The following GLTP variants were observed in gnomAD, a reference collection of about 807,000 sequenced individuals.
GLTP encodes the protein glycolipid transfer protein.
A neutral mutation model predicts 24.0 loss-of-function variants in GLTP; 22 were observed. That is an observed-to-expected ratio of 0.92 (90% CI 0.65 to 1.31). GLTP has a LOEUF of 1.31. Ranked by LOEUF, GLTP falls within the 50% of genes most tolerant of loss-of-function variation. GLTP has a pLI of 0.00. For synonymous variants in GLTP, 92 were observed against 115.9 expected, an observed-to-expected ratio of 0.79 and a Z score of 1.33; for missense variants, 224 against 276.6, an observed-to-expected ratio of 0.81 and a Z score of 1.35.
In GLTP at chr12:109,857,452, C is replaced by T; in HGVS notation, c.296+74G>A. The T allele has an allele frequency of 6.5e-7, 1 of 1,540,282 alleles. No individual in the cohort carries two copies. Among genetic ancestry groups the T allele is most frequent in the Non-Finnish European group, 8.9e-7 (1 of 1,123,222 alleles). ...GTGACCTTCCCAGCCTGAGCTGACA[C>T]TGCGGAACAGTGACAGGTTTGCTTT... On this transcript the variant is annotated intron_variant, in intron 3 of 4. Transcript: ENST00000318348. This position sits in a 1 kb window ranked among gnomAD's most constrained non-coding sequence, Gnocchi z 4.3.
chr12:109,872,016 C>T (rs1368914360), intron 1 of GLTP, among the ~76,000 whole-genome samples: 1 of 152,200 alleles, frequency 6.6e-6, no homozygotes, highest in East Asian at 1.9e-4. Context: ...AGCAGAGAGG[C>T]CAAACCTCAG....
chr12:109,866,926 ATT>A lies in GLTP; in HGVS notation c.104-8187_104-8186del, dbSNP rs34869730. 8.8e-3 allele frequency among the ~76,000 whole-genome samples: 1,042 copies of A among 118,294 alleles called. 10 individuals carry two copies. Among genetic ancestry groups the A allele is most frequent in the African/African-American group, 0.025 (748 of 29,490 alleles). The allele number at this position is 118,294 out of a possible 152,430, so 77.6% of individuals were successfully genotyped here. On this transcript the variant is annotated intron_variant, in intron 1 of 4. Coordinates refer to ENST00000318348, the MANE Select transcript of GLTP (RefSeq NM_016433.4). ...AGATGTGCACCACCATGCTGGGCTA[ATT>A]TTTTTTTTTTTTTTTTTTTTACCTT... is the stretch of plus-strand genomic sequence containing the variant.
chr12:109,852,709 G>T lies in GLTP; in HGVS notation c.476C>A (p.Ser159Tyr), dbSNP rs763099428. Reference protein sequence around the residue: ...QAALYAAPYKSDFLKALSKGQ... With the variant: ...QAALYAAPYKYDFLKALSKGQ... ...CTTGGAGAGCGCTTTCAGGAAGTCAGACTTATAGGGTGCTGCGTACAGTGC... is the reference window on the plus strand; with the variant it reads ...CTTGGAGAGCGCTTTCAGGAAGTCATACTTATAGGGTGCTGCGTACAGTGC... The change falls in exon 5 of 5, where the codon TCT (serine) becomes TAT (tyrosine). Residue 159 changes from serine to tyrosine, a missense_variant. Transcript: ENST00000318348. The T allele has an allele frequency of 6.2e-7, 1 of 1,612,768 alleles. No homozygotes were observed. Among genetic ancestry groups the T allele is most frequent in the African/African-American group, 1.3e-5 (1 of 74,888 alleles).
intron 1 of GLTP, among the ~76,000 whole-genome samples, chr12:109,871,529 G>A (rs1362554459): frequency 6.6e-6 from 1 of 152,110 alleles, no homozygotes; most frequent in African/African-American, 2.4e-5. Flanking sequence ...CTGATGTGGT[G>A]TTGGTCTCCC....
At chr12:109,870,343 A>G (rs2136048323) in intron 1 of GLTP, among the ~76,000 whole-genome samples, 1 of 152,116 alleles carries the variant, frequency 6.6e-6, no homozygotes, top group East Asian at 1.9e-4. Flanking sequence ...GTGTGTGCCT[A>G]TAATTCCAGC....
intron 1 of GLTP, among the ~76,000 whole-genome samples, chr12:109,862,568 G>A (rs999612834): frequency 2.6e-5 from 4 of 152,068 alleles, no homozygotes; most frequent in East Asian, 1.9e-4. Context: ...TCCAGCTGAC[G>A]GCTTTACATC....
chr12:109,869,491 C>CTG (rs1400934338), intron 1 of GLTP, among the ~76,000 whole-genome samples: 2 of 133,072 alleles, frequency 1.5e-5, no homozygotes, highest in African/African-American at 5.7e-5. Context: ...GAGTCTCACT[C>CTG]TGTCGCCAGG....
intron 4 of GLTP, among the ~76,000 whole-genome samples, chr12:109,853,564 C>T (rs541969694): frequency 2.0e-5 from 3 of 151,534 alleles, no homozygotes; most frequent in Non-Finnish European, 4.4e-5. Flanking sequence ...TGGCTGGCAT[C>T]TGTAGTCCCA....
intron 1 of GLTP, among the ~76,000 whole-genome samples, chr12:109,876,604 AGAAGGGAG>A (rs1868889398): frequency 2.9e-5 from 4 of 139,762 alleles, no homozygotes; most frequent in Admixed American, 7.1e-5. Context: ...GAGGAAGGGA[AGAAGGGAG>A]GAAGGGAGGG....
At chr12:109,859,943 C>G (rs1892850519) in intron 1 of GLTP, 1 of 152,110 alleles carries the variant, frequency 6.6e-6, no homozygotes, top group African/African-American at 2.4e-5. Flanking sequence ...AATACAAAAG[C>G]TTTATCTACT....
At chr12:109,866,210 T>G (rs532419361) in intron 1 of GLTP, 1 of 152,328 alleles carries the variant, frequency 6.6e-6, no homozygotes, top group African/African-American at 2.4e-5. Context: ...ATCTACCATT[T>G]TTTAAAAAAA....
In GLTP at chr12:109,857,378, G is replaced by A. The variant is rs1189282862; in HGVS notation, c.296+148C>T. 4.8e-6 allele frequency: 4 copies of A among 837,802 alleles called. No homozygotes were observed. The African/African-American group carries it at 6.8e-5, about 14-fold the overall frequency. 51.9% of individuals were successfully genotyped at this position (837,802 alleles called of 1,614,324 possible). A position where few individuals can be genotyped will look rare whatever the true frequency, so the allele number is the denominator to read the frequency against. On this transcript the variant is annotated intron_variant, in intron 3 of 4. Coordinates refer to ENST00000318348, the MANE Select transcript of GLTP (RefSeq NM_016433.4). The surrounding 1 kb of genome is among the most constrained non-coding windows in gnomAD (Gnocchi z 4.3). ...CTGTCAGGCAAGCCCTGGCCATTGGGAGGCCTTTTCCCAGCCATTAACTAG... is the reference window on the plus strand; with the variant it reads ...CTGTCAGGCAAGCCCTGGCCATTGGAAGGCCTTTTCCCAGCCATTAACTAG...
intron 1 of GLTP, among the ~76,000 whole-genome samples, chr12:109,878,423 C>T (rs1868953116): frequency 6.6e-6 from 1 of 152,092 alleles, no homozygotes; most frequent in African/African-American, 2.4e-5. Flanking sequence ...CAAGACACCC[C>T]GTGCCCCATC....
At position 109,851,183 on chromosome 12, in the gene GLTP, A is replaced by G. The variant is rs965094609; in HGVS notation, c.*1372T>C. On this transcript the variant is annotated 3_prime_UTR_variant, in exon 5 of 5. Transcript: ENST00000318348. ...CTGAAGGGTTCATCTCTCCCCGTCA[A>G]GAGAATACACACGGTAGGTAGTTTC... 1 of 152,632 alleles carries G rather than the reference A, an allele frequency of 6.6e-6. No homozygotes were observed. Among genetic ancestry groups the G allele is most frequent in the Non-Finnish European group, 1.5e-5 (1 of 68,036 alleles). The allele number at this position is 152,632 out of a possible 1,614,324, so 9.5% of individuals were successfully genotyped here.
At chr12:109,868,361 T>C (rs1868610800) in intron 1 of GLTP, among the ~76,000 whole-genome samples, 1 of 152,204 alleles carries the variant, frequency 6.6e-6, no homozygotes, top group Non-Finnish European at 1.5e-5. Flanking sequence ...CTGGTCGTTA[T>C]GCTCTTAGCA....
intron 2 of GLTP, 38 bp downstream of exon 2, chr12:109,858,645 G>A (rs745919609): frequency 7.1e-5 from 109 of 1,528,864 alleles, no homozygotes; most frequent in African/African-American, 8.2e-5. Context: ...GATTCCTAAC[G>A]CAAGTCTTGG....
chr12:109,877,179 G>A (rs925805519), intron 1 of GLTP, among the ~76,000 whole-genome samples: 1 of 152,150 alleles, frequency 6.6e-6, no homozygotes, highest in Non-Finnish European at 1.5e-5. Context: ...CAAAAAGACC[G>A]ATGTAAATGA....
In GLTP at chr12:109,857,094, A is replaced by C. The variant is rs1565897326; in HGVS notation, c.296+432T>G. Among the ~76,000 whole-genome samples the C allele has an allele frequency of 6.6e-6, 1 of 152,184 alleles. No homozygotes were observed. Among genetic ancestry groups the C allele is most frequent in the Admixed American group, 6.5e-5 (1 of 15,276 alleles). On this transcript the variant is annotated intron_variant, in intron 3 of 4. Transcript: ENST00000318348. This position sits in a 1 kb window ranked among gnomAD's most constrained non-coding sequence, Gnocchi z 4.3. The stretch of plus-strand genomic sequence containing the variant: ...GTACTTCTACCAAGAAACTGTCATA[A>C]CATACAAATCCACTTTGTACGCGTG...
At chr12:109,876,742 T>C (rs1018395885) in intron 1 of GLTP, among the ~76,000 whole-genome samples, 11 of 142,696 alleles carry the variant, frequency 7.7e-5, no homozygotes, top group African/African-American at 3.3e-4. Context: ...TTATGCTATA[T>C]TGTTGGGTAG....
Sources: gnomAD v4.1 joint callset for allele counts (sites outside exome capture counted in the v4.1 genomes callset) on GRCh38, gnomAD v4.1.1 for gene constraint, Gnocchi (gnomAD v3.1) non-coding constraint, MANE v1.5 for transcripts, NCBI Gene and HGNC (gene_info 2026-07-23, HGNC 2026-07-21) for gene names.